Variants in ROBO2 observed in about 807,000 individuals in gnomAD.
ROBO2 encodes the protein roundabout guidance receptor 2, also known as roundabout homolog 2.
In ROBO2, 53 loss-of-function variants were observed where a neutral mutation model predicts 160.8. That is an observed-to-expected ratio of 0.33 (90% CI 0.26 to 0.41). The LOEUF is 0.41. Ranked by LOEUF, ROBO2 falls within the 10% of genes least tolerant of loss-of-function variation. The probability of loss-of-function intolerance (pLI) is 1.00; values close to 1 mark genes in which losing one functional copy is unlikely to be tolerated. For synonymous variants in ROBO2, 664 were observed against 611.7 expected (o/e 1.09, Z -1.26); for missense variants, 1,577 against 1,722.4 (o/e 0.92, Z 1.49).
intron 1 of ROBO2, among the ~76,000 whole-genome samples, chr3:77,068,809 A>T (rs2067121278): frequency 6.6e-6 from 1 of 152,094 alleles, no homozygotes; most frequent in South Asian, 2.1e-4. Context: ...ATTAAATAGA[A>T]CATATTATCT....
chr3:75,994,084 A>G (rs2065656709), intron 2 of ROBO2, among the ~76,000 whole-genome samples: 1 of 152,148 alleles, frequency 6.6e-6, no homozygotes, highest in Admixed American at 6.5e-5. Flanking sequence ...CCAATGCAGG[A>G]ACCTTCCAAG....
chr3:77,511,530 T>C (rs1298233274), intron 5 of ROBO2, among the ~76,000 whole-genome samples: 2 of 151,998 alleles, frequency 1.3e-5, no homozygotes, highest in African/African-American at 4.8e-5. Context: ...AACATCTTTT[T>C]TGTTTGTATG....
rs369204480 is a variant in ROBO2 at position 76,705,612 on chromosome 3, A to C, written c.110-392402A>C. Among the ~76,000 whole-genome samples the C allele has an allele frequency of 2.6e-5, 4 of 152,266 alleles. No individual in the cohort carries two copies. In the East Asian group the frequency reaches 7.7e-4, roughly 29 times the overall value. ...ATCATTGGGGAGAAACTAAAATGCA[A>C]AATATTTAGGGCTGATAATAATGAG... On this transcript the variant is annotated intron_variant, in intron 2 of 26. Transcript: ENST00000487694.
intron 21 of ROBO2, among the ~76,000 whole-genome samples, chr3:77,616,337 G>A (rs1415442342): frequency 6.6e-6 from 1 of 151,126 alleles, no homozygotes; most frequent in Non-Finnish European, 1.5e-5. Context: ...ATCAGACTAG[G>A]ATGGGTTTTT....
At chr3:76,049,401 A>ATTTTTTTTTTTTTT (rs1306305555) in intron 2 of ROBO2, among the ~76,000 whole-genome samples, 22 of 63,736 alleles carry the variant, frequency 3.5e-4, no homozygotes, top group Non-Finnish European at 4.5e-4. Context: ...ATATATATAT[A>ATTTTTTTTTTTTTT]TATTTTTTTT....
At chr3:77,243,581 A>G (rs1328347293) in intron 2 of ROBO2, among the ~76,000 whole-genome samples, 1 of 151,998 alleles carries the variant, frequency 6.6e-6, no homozygotes, top group Non-Finnish European at 1.5e-5. Context: ...AGTCCCCTCC[A>G]TTTTTCTTGG....
chr3:77,561,022 A>G (rs1334786961), intron 9 of ROBO2, among the ~76,000 whole-genome samples: 3 of 152,160 alleles, frequency 2.0e-5, no homozygotes, highest in Non-Finnish European at 4.4e-5. Context: ...TCTTTCTACA[A>G]TGGCTATCCC....
At chr3:77,445,498 T>C (rs2080379833) in intron 2 of ROBO2, among the ~76,000 whole-genome samples, 1 of 152,042 alleles carries the variant, frequency 6.6e-6, no homozygotes, top group Non-Finnish European at 1.5e-5. Flanking sequence ...CAAAAATAAT[T>C]ATATATCGCA....
At chr3:76,021,665 G>A (rs1276795345) in intron 2 of ROBO2, among the ~76,000 whole-genome samples, 1 of 151,788 alleles carries the variant, frequency 6.6e-6, no homozygotes, top group Non-Finnish European at 1.5e-5. Flanking sequence ...AGCTGAGTGT[G>A]CAATAGAAGT....
At chr3:76,965,736 A>G (rs1271814904) in intron 2 of ROBO2, among the ~76,000 whole-genome samples, 1 of 147,506 alleles carries the variant, frequency 6.8e-6, no homozygotes, top group Non-Finnish European at 1.5e-5. Context: ...AACTTCCACA[A>G]TGGTACTATT....
intron 2 of ROBO2, among the ~76,000 whole-genome samples, chr3:76,683,204 G>T (rs970104252): frequency 6.6e-6 from 1 of 152,164 alleles, no homozygotes; most frequent in Middle Eastern, 3.4e-3. Flanking sequence ...CAAGGACAAT[G>T]AAATTAAGGT....
intron 2 of ROBO2, among the ~76,000 whole-genome samples, chr3:76,890,231 T>TTAACTC (rs71104636): frequency 0.65 from 98,987 of 151,136 alleles, 32,524 homozygotes; most frequent in Middle Eastern, 0.75. Flanking sequence ...CGTATGCTAT[T>TTAACTC]TAACAGTCCA....
chr3:76,714,050 A>G (rs752057263), intron 2 of ROBO2, among the ~76,000 whole-genome samples: 2 of 152,124 alleles, frequency 1.3e-5, no homozygotes, highest in Non-Finnish European at 2.9e-5. Flanking sequence ...GTTCAGAAAT[A>G]GGGCGGCCTG....
chr3:76,823,853 T>C (rs1036107030), intron 2 of ROBO2, among the ~76,000 whole-genome samples: 2 of 152,066 alleles, frequency 1.3e-5, no homozygotes, highest in African/African-American at 4.8e-5. Flanking sequence ...GATGGAGGCA[T>C]AAGAAAAAAG....
intron 2 of ROBO2, among the ~76,000 whole-genome samples, chr3:76,865,642 G>T (rs12630466): frequency 0.061 from 9,272 of 152,140 alleles, 308 homozygotes; most frequent in East Asian, 0.11. Flanking sequence ...ATTTATTCCA[G>T]ATTACCAAAT....
intron 2 of ROBO2, among the ~76,000 whole-genome samples, chr3:76,499,968 CTTTA>C (rs1238970139): frequency 6.6e-6 from 1 of 151,872 alleles, no homozygotes; most frequent in Non-Finnish European, 1.5e-5. Context: ...GTTTGGCCAA[CTTTA>C]TTTACATAAA....
At chr3:76,347,454 G>A (rs1011278141) in intron 2 of ROBO2, among the ~76,000 whole-genome samples, 3 of 151,980 alleles carry the variant, frequency 2.0e-5, no homozygotes, top group South Asian at 4.1e-4. Context: ...ATAACAGAAG[G>A]TATATATTTA....
chr3:77,438,123 G>T (rs11923847), intron 2 of ROBO2, among the ~76,000 whole-genome samples: 4,040 of 151,766 alleles, frequency 0.027, 185 homozygotes, highest in African/African-American at 0.092. Context: ...ACACAGCCTT[G>T]ATTGGATTGG....
chr3:76,262,937 C>A (rs1228542944), intron 2 of ROBO2, among the ~76,000 whole-genome samples: 2 of 152,120 alleles, frequency 1.3e-5, no homozygotes, highest in Non-Finnish European at 2.9e-5. Flanking sequence ...TATATAAAAT[C>A]TCTTGGCTGT....
Sources: allele counts gnomAD v4.1 joint callset (sites outside exome capture counted in the v4.1 genomes callset), GRCh38; gene constraint gnomAD v4.1.1; transcripts MANE v1.5; gene names NCBI Gene and HGNC (gene_info 2026-07-23, HGNC 2026-07-21).